Variants in OSTN observed in about 807,000 individuals in gnomAD.
The protein encoded by OSTN is osteocrin.
A neutral mutation model predicts 12.0 loss-of-function variants in OSTN; 9 were observed. The ratio of observed to expected loss-of-function variants is 0.75; its 90% CI spans 0.45 to 1.30. The LOEUF (loss-of-function observed/expected upper bound fraction) is 1.30. Among genes scored for constraint, OSTN ranks in the 50% most tolerant of loss-of-function variants. The pLI, the probability that OSTN is intolerant of heterozygous loss-of-function variation, is 0.00. For synonymous variants in OSTN, 59 were observed against 56.9 expected, an observed-to-expected ratio of 1.04 and a Z score of -0.16; for missense variants, 148 against 152.3, an observed-to-expected ratio of 0.97 and a Z score of 0.15.
chr3:191,206,030 C>G (rs1004033655), intron 1 of OSTN, among the ~76,000 whole-genome samples: 3 of 151,950 alleles, frequency 2.0e-5, no homozygotes, highest in Admixed American at 1.3e-4. Context: ...AGTAAAAATA[C>G]AAAACTTAGC....
At chr3:191,261,384 A>G (rs1715806586) in intron 4 of OSTN, among the ~76,000 whole-genome samples, 2 of 152,224 alleles carry the variant, frequency 1.3e-5, no homozygotes, top group Non-Finnish European at 2.9e-5. Flanking sequence ...GGCCAAAAAC[A>G]GGTTTTAGTG....
At chr3:191,238,253 G>T (rs545667702) in intron 3 of OSTN, among the ~76,000 whole-genome samples, 1 of 151,972 alleles carries the variant, frequency 6.6e-6, no homozygotes, top group Non-Finnish European at 1.5e-5. Context: ...AGATACTTGC[G>T]GGGAAAAAAA....
In OSTN at chr3:191,250,019, C is replaced by T; in HGVS notation, c.318-18C>T. 6.3e-7 allele frequency: 1 copy of T among 1,586,198 alleles called. No homozygotes were observed. The highest frequency in any genetic ancestry group is 8.7e-7 in the Non-Finnish European group (1 of 1,155,040). ...ACTTGCCCTTTAGTTTAAAAATGTC[C>T]TCCTTGGTTTGTTTCAGGAAAGTAG... On this transcript the variant is annotated intron_variant, in intron 3 of 4. Transcript: ENST00000682035.
intron 1 of OSTN, among the ~76,000 whole-genome samples, chr3:191,205,834 A>G (rs1343915524): frequency 1.3e-5 from 2 of 152,162 alleles, no homozygotes; most frequent in South Asian, 2.1e-4. Context: ...TTGAAAGGGT[A>G]GGGAAATGAG....
intron 2 of OSTN, among the ~76,000 whole-genome samples, chr3:191,216,854 T>G (rs1220931397): frequency 2.0e-5 from 3 of 152,222 alleles, no homozygotes; most frequent in Non-Finnish European, 2.9e-5. Flanking sequence ...AGTTTCAAAC[T>G]TTCCCACGTC....
intron 2 of OSTN, among the ~76,000 whole-genome samples, chr3:191,218,474 T>A (rs1392993433): frequency 6.6e-6 from 1 of 151,936 alleles, no homozygotes; most frequent in Non-Finnish European, 1.5e-5. Context: ...ATACAAAAAA[T>A]TGGCCAGGCA....
chr3:191,262,251 T>A (rs1045759174), intron 4 of OSTN, among the ~76,000 whole-genome samples: 3 of 152,218 alleles, frequency 2.0e-5, no homozygotes, highest in Admixed American at 2.0e-4. Context: ...TTAATTGTGC[T>A]ACCACTTGCT....
Position 191,236,548 on chromosome 3 carries a change from CA to C in OSTN, c.318-13478del, listed in dbSNP as rs372187310. The stretch of plus-strand genomic sequence containing the variant: ...CTTGTTTATATATAAGATAATAACG[CA>C]AAAAAAAAAACAATCCTTGGGGAGA... On this transcript the variant is annotated intron_variant, in intron 3 of 4. Coordinates refer to ENST00000682035, the MANE Select transcript of OSTN (RefSeq NM_198184.2). 3.1e-3 allele frequency among the ~76,000 whole-genome samples: 416 copies of C among 133,620 alleles called. 1 individual carries two copies. Among genetic ancestry groups the C allele is most frequent in the African/African-American group, 9.9e-3 (359 of 36,428 alleles). The allele number at this position is 133,620 out of a possible 152,430, so 87.7% of individuals were successfully genotyped here. A position where few individuals can be genotyped will look rare whatever the true frequency, so the allele number is the denominator to read the frequency against.
At chr3:191,231,723 C>A (rs1027401771) in intron 3 of OSTN, among the ~76,000 whole-genome samples, 2 of 152,136 alleles carry the variant, frequency 1.3e-5, no homozygotes, top group Non-Finnish European at 2.9e-5. Flanking sequence ...TCTTCCCATA[C>A]TTACTAAGAG....
chr3:191,236,675 T>C (rs1198755416), intron 3 of OSTN, among the ~76,000 whole-genome samples: 1 of 152,190 alleles, frequency 6.6e-6, no homozygotes, highest in African/African-American at 2.4e-5. Context: ...TGAAACTTAC[T>C]CTTAAACTAA....
In OSTN at chr3:191,203,554, T is replaced by C. The variant is rs544947526; in HGVS notation, c.-1+4247T>C. Among the ~76,000 whole-genome samples, 7 of 152,310 alleles carry C rather than the reference T, an allele frequency of 4.6e-5. No homozygotes were observed. The East Asian group carries it at 5.8e-4, about 13-fold the overall frequency. ...AAAAAAGAGTGAAAATGGTGCCAAA[T>C]AGAATAAAATCAGTTAACACATGTT... On this transcript the variant is annotated intron_variant, in intron 1 of 4. Coordinates refer to ENST00000682035, the MANE Select transcript of OSTN (RefSeq NM_198184.2).
At chr3:191,237,013 CTTAAT>C (rs1715207705) in intron 3 of OSTN, among the ~76,000 whole-genome samples, 1 of 152,112 alleles carries the variant, frequency 6.6e-6, no homozygotes, top group African/African-American at 2.4e-5. Flanking sequence ...TGACTTTCCA[CTTAAT>C]TTCTTTGCAG....
intron 3 of OSTN, among the ~76,000 whole-genome samples, chr3:191,220,105 C>T (rs1714725288): frequency 6.6e-6 from 1 of 152,152 alleles, no homozygotes; most frequent in South Asian, 2.1e-4. Context: ...ATTTTCACAT[C>T]CTTTGCCACC....
At position 191,255,736 on chromosome 3, in the gene OSTN, A is replaced by G. The variant is rs558054300; in HGVS notation, c.*12+5603A>G. On this transcript the variant is annotated intron_variant, in intron 4 of 4. Coordinates refer to ENST00000682035, the MANE Select transcript of OSTN (RefSeq NM_198184.2). ...AAAAAAGTGTTTTAACTCTGAAAAA[A>G]AAAACAAAAATAATCAGCAATGTTC... Among the ~76,000 whole-genome samples the G allele has an allele frequency of 1.8e-4, 27 of 152,300 alleles. 1 individual carries two copies. In the East Asian group the frequency reaches 5.2e-3, roughly 29 times the overall value.
intron 3 of OSTN, among the ~76,000 whole-genome samples, chr3:191,231,840 T>C (rs1409254965): frequency 6.6e-6 from 1 of 152,208 alleles, no homozygotes; most frequent in East Asian, 1.9e-4. Flanking sequence ...CTATGGCAAT[T>C]TGGGGAAACC....
intron 3 of OSTN, among the ~76,000 whole-genome samples, chr3:191,225,256 T>C (rs1337026620): frequency 6.6e-6 from 1 of 152,144 alleles, no homozygotes; most frequent in Non-Finnish European, 1.5e-5. Context: ...CTTATAAACA[T>C]TGGTTCAAAT....
At chr3:191,237,953 T>C (rs1199916030) in intron 3 of OSTN, among the ~76,000 whole-genome samples, 1 of 152,200 alleles carries the variant, frequency 6.6e-6, no homozygotes, top group East Asian at 1.9e-4. Context: ...CAGATTCAAT[T>C]TGTCAGATAT....
chr3:191,249,615 T>G (rs567595507), intron 3 of OSTN, among the ~76,000 whole-genome samples: 4 of 152,204 alleles, frequency 2.6e-5, no homozygotes, highest in Non-Finnish European at 5.9e-5. Context: ...ACCATCATCC[T>G]TCTTTAGATG....
chr3:191,219,855 C>G (rs1190575137), intron 3 of OSTN, among the ~76,000 whole-genome samples: 1 of 152,150 alleles, frequency 6.6e-6, no homozygotes, highest in Non-Finnish European at 1.5e-5. Flanking sequence ...TTTTCTAATT[C>G]TGGCCTAAAT....
Sources: gnomAD v4.1 joint callset for allele counts (sites outside exome capture counted in the v4.1 genomes callset) on GRCh38, gnomAD v4.1.1 for gene constraint, MANE v1.5 for transcripts, NCBI Gene and HGNC (gene_info 2026-07-23, HGNC 2026-07-21) for gene names.